The following GRM7 variants were observed in gnomAD, a reference collection of about 807,000 sequenced individuals.
GRM7 encodes metabotropic glutamate receptor 7.
Under a neutral mutation model 84.5 loss-of-function variants are expected in GRM7, and 35 were observed. That is an observed-to-expected ratio of 0.41 (90% CI 0.32 to 0.55). The LOEUF (loss-of-function observed/expected upper bound fraction) is 0.55. Ranked by LOEUF, GRM7 falls within the 20% of genes least tolerant of loss-of-function variation. The pLI, the probability that GRM7 is intolerant of heterozygous loss-of-function variation, is 0.19. For missense variants in GRM7, 1,003 were observed against 1,194.6 expected (o/e 0.84, Z 2.36); for synonymous variants, 487 against 455.1 (o/e 1.07, Z -0.89).
intron 7 of GRM7, among the ~76,000 whole-genome samples, chr3:7,542,233 A>G (rs985024849): frequency 6.6e-6 from 1 of 152,200 alleles, no homozygotes; most frequent in African/African-American, 2.4e-5. Context: ...TTCAACCCAT[A>G]ACAAATACCT....
At chr3:7,113,032 T>C (rs973209915) in intron 1 of GRM7, among the ~76,000 whole-genome samples, 2 of 152,210 alleles carry the variant, frequency 1.3e-5, no homozygotes, top group East Asian at 3.9e-4. Flanking sequence ...GGAAAAGTAA[T>C]GAAACATAGA....
intron 1 of GRM7, among the ~76,000 whole-genome samples, chr3:7,142,425 C>CA (rs1559466989): frequency 6.6e-6 from 1 of 151,970 alleles, no homozygotes; most frequent in Non-Finnish European, 1.5e-5. Context: ...GAAGGGGAAG[C>CA]AGGGCACCTT....
chr3:7,281,007 TA>T (rs1348983093), intron 2 of GRM7, among the ~76,000 whole-genome samples: 1 of 152,000 alleles, frequency 6.6e-6, no homozygotes. Context: ...AGAAAAAAAA[TA>T]AAAAGTGTCT....
At position 7,167,697 on chromosome 3, in the gene GRM7, C is replaced by T. The variant is rs537005134; in HGVS notation, c.736+21029C>T. On this transcript the variant is annotated intron_variant, in intron 2 of 9. Transcript: ENST00000357716. ...TAAAAAAAAGAATGCAGGCCGGGCACGGGGGCTCACGCCTGTAATCCCAGC... is the reference window on the plus strand; with the variant it reads ...TAAAAAAAAGAATGCAGGCCGGGCATGGGGGCTCACGCCTGTAATCCCAGC... 3.9e-5 allele frequency among the ~76,000 whole-genome samples: 6 copies of T among 152,124 alleles called. No individual in the cohort carries two copies. The South Asian group carries it at 1.2e-3, about 32-fold the overall frequency.
intron 1 of GRM7, among the ~76,000 whole-genome samples, chr3:7,037,569 G>A (rs1696429812): frequency 6.6e-6 from 1 of 152,144 alleles, no homozygotes; most frequent in South Asian, 2.1e-4. Flanking sequence ...GAACTGAGGT[G>A]CTTTTCTACA....
intron 4 of GRM7, among the ~76,000 whole-genome samples, chr3:7,366,918 TG>T (rs34763402): frequency 1 from 151,804 of 151,804 alleles, 75,902 homozygotes; most frequent in Non-Finnish European, 1. Flanking sequence ...TTCTTGGTCA[TG>T]GTTATACTTT....
intron 4 of GRM7, among the ~76,000 whole-genome samples, chr3:7,367,964 A>T (rs1693975104): frequency 6.5e-5 from 1 of 15,450 alleles, no homozygotes; most frequent in East Asian, 2.6e-3. Context: ...GAAAAAATCA[A>T]CAACAACAAC....
intron 4 of GRM7, among the ~76,000 whole-genome samples, chr3:7,320,566 A>G (rs1171384033): frequency 6.6e-6 from 1 of 151,946 alleles, no homozygotes; most frequent in African/African-American, 2.4e-5. Context: ...AACATGCTTC[A>G]GAGAAGAAGA....
At chr3:7,426,110 C>CTTTTT in intron 5 of GRM7, among the ~76,000 whole-genome samples, 1 of 151,488 alleles carries the variant, frequency 6.6e-6, no homozygotes, top group South Asian at 2.1e-4. Flanking sequence ...TTCTTTCTTT[C>CTTTTT]TTTCTTTTTC....
At chr3:7,103,852 C>CTT (rs375519313) in intron 1 of GRM7, among the ~76,000 whole-genome samples, 16,043 of 136,746 alleles carry the variant, frequency 0.12, 1,960 homozygotes, top group East Asian at 0.16. Context: ...CTCTCTCTCT[C>CTT]TCTCTTTCTT....
chr3:7,500,350 AATG>A, intron 7 of GRM7, among the ~76,000 whole-genome samples: 1 of 152,366 alleles, frequency 6.6e-6, no homozygotes, highest in East Asian at 1.9e-4. Context: ...CATCCCCTTC[AATG>A]ATGATAAGAA....
chr3:7,433,420 C>A (rs1443798233), intron 5 of GRM7, among the ~76,000 whole-genome samples: 2 of 152,158 alleles, frequency 1.3e-5, no homozygotes, highest in African/African-American at 4.8e-5. Flanking sequence ...GATGTTGTCC[C>A]CACTTTGCAA....
intron 1 of GRM7, among the ~76,000 whole-genome samples, chr3:7,069,325 T>C (rs1020459682): frequency 6.6e-6 from 1 of 151,934 alleles, no homozygotes; most frequent in Non-Finnish European, 1.5e-5. Context: ...ACTAGAGCTG[T>C]GGCCTTCAGT....
rs536704657 is a variant in GRM7, at chr3:7,191,490, T to C, written c.736+44822T>C. On this transcript the variant is annotated intron_variant, in intron 2 of 9. Coordinates refer to ENST00000357716, the MANE Select transcript of GRM7 (RefSeq NM_000844.4). ...ATATTTATTGCAGTGTTTTTTATAA[T>C]AGTAAAAACTGGAAATAACCCATGT... Among the ~76,000 whole-genome samples, 8 of 152,054 alleles carry C rather than the reference T, an allele frequency of 5.3e-5. No homozygotes were observed. In the East Asian group the frequency reaches 1.5e-3, roughly 29 times the overall value.
chr3:7,567,638 T>G (rs1183001848), intron 7 of GRM7, among the ~76,000 whole-genome samples: 1 of 150,750 alleles, frequency 6.6e-6, no homozygotes, highest in Non-Finnish European at 1.5e-5. Flanking sequence ...TCCCAGCTAC[T>G]GGGGAAGGCT....
chr3:7,236,205 T>C (rs995372797), intron 2 of GRM7, among the ~76,000 whole-genome samples: 9 of 152,290 alleles, frequency 5.9e-5, no homozygotes, highest in Non-Finnish European at 1.2e-4. Flanking sequence ...TACTATTGCA[T>C]TGAGGGTTAA....
At chr3:7,467,704 G>A (rs1195132287) in intron 7 of GRM7, among the ~76,000 whole-genome samples, 1 of 152,058 alleles carries the variant, frequency 6.6e-6, no homozygotes, top group East Asian at 1.9e-4. Context: ...CTTACCACAA[G>A]CCATTTATAA....
chr3:7,379,438 C>T (rs751800436), intron 4 of GRM7, among the ~76,000 whole-genome samples: 1 of 152,144 alleles, frequency 6.6e-6, no homozygotes, highest in Non-Finnish European at 1.5e-5. Context: ...CTCTAAAGAT[C>T]AGAGATGTTT....
chr3:7,222,091 G>T (rs550455899), intron 2 of GRM7, among the ~76,000 whole-genome samples: 2 of 151,866 alleles, frequency 1.3e-5, no homozygotes, highest in African/African-American at 2.4e-5. Context: ...TTACAGGCGC[G>T]AGCCCCCGCA....
Sources: allele counts gnomAD v4.1 joint callset (sites outside exome capture counted in the v4.1 genomes callset), GRCh38; gene constraint gnomAD v4.1.1; transcripts MANE v1.5; gene names NCBI Gene and HGNC (gene_info 2026-07-23, HGNC 2026-07-21).